Variants in COL4A1 observed in about 807,000 individuals in gnomAD.
The protein encoded by COL4A1 is collagen type IV alpha 1 chain.
In COL4A1, 40 loss-of-function variants were observed where a neutral mutation model predicts 216.6. The ratio of observed to expected loss-of-function variants is 0.18; its 90% CI spans 0.14 to 0.24. The LOEUF (loss-of-function observed/expected upper bound fraction) is 0.24. COL4A1 is among the 10% of genes least tolerant of loss of function. COL4A1 has a pLI of 1.00. For missense variants in COL4A1, 1,628 were observed against 2,196.8 expected (o/e 0.74, Z 5.18); for synonymous variants, 839 against 810.7 (o/e 1.03, Z -0.59).
rs141914394 is a variant in COL4A1 at position 110,233,048 on chromosome 13, G to A, written c.144+9627C>T. 1.4e-4 allele frequency among the ~76,000 whole-genome samples: 21 copies of A among 152,290 alleles called. 1 individual carries two copies. The East Asian group carries it at 3.1e-3, about 22-fold the overall frequency. ...CCAAGGCATAGGGGAGCCAGCGACG[G>A]GTGGGCCTCGTGTGCAGAATAAAAT... is the stretch of plus-strand genomic sequence containing the variant. On this transcript the variant is annotated intron_variant, in intron 2 of 51. Coordinates refer to ENST00000375820, the MANE Select transcript of COL4A1 (RefSeq NM_001845.6).
At chr13:110,186,310 C>G in intron 26 of COL4A1, 75 bp downstream of exon 26, 1 of 1,591,904 alleles carries the variant, frequency 6.3e-7, no homozygotes, top group Non-Finnish European at 8.6e-7. Flanking sequence ...CCCCAGGCCT[C>G]TGTGTGCACC....
chr13:110,226,955 T>A (rs1480966470), intron 2 of COL4A1, among the ~76,000 whole-genome samples: 1 of 152,242 alleles, frequency 6.6e-6, no homozygotes, highest in Non-Finnish European at 1.5e-5. Context: ...TGGTCTTCCC[T>A]GAGCTGCTAA....
At chr13:110,263,837 T>C (rs1019502298) in intron 1 of COL4A1, among the ~76,000 whole-genome samples, 2 of 152,200 alleles carry the variant, frequency 1.3e-5, no homozygotes, top group Non-Finnish European at 1.5e-5. Context: ...AAGTTTAGGC[T>C]ATCAACATTA....
chr13:110,229,401 T>C (rs1047155222), intron 2 of COL4A1, among the ~76,000 whole-genome samples: 1 of 152,202 alleles, frequency 6.6e-6, no homozygotes, highest in Non-Finnish European at 1.5e-5. Flanking sequence ...ACTTTAAATC[T>C]GAATGACTCG....
intron 2 of COL4A1, among the ~76,000 whole-genome samples, chr13:110,242,467 T>C (rs990436944): frequency 2.0e-5 from 3 of 152,246 alleles, no homozygotes; most frequent in African/African-American, 7.2e-5. Context: ...CACATACTAT[T>C]ACATTCTTTG....
Position 110,153,908 on chromosome 13 carries a change from G to A in COL4A1, c.4755+1375C>T, listed in dbSNP as rs528106008. Among the ~76,000 whole-genome samples the A allele has an allele frequency of 1.2e-4, 18 of 152,318 alleles. No individual in the cohort carries two copies. In the East Asian group the frequency reaches 3.1e-3, roughly 26 times the overall value. On this transcript the variant is annotated intron_variant, in intron 50 of 51. Coordinates refer to ENST00000375820, the MANE Select transcript of COL4A1 (RefSeq NM_001845.6). ...CGCCTCGCACACAGCACGTCTGGAA[G>A]GTGGAACAGAGACCCTCCACACGGC...
chr13:110,223,837 C>T (rs1419939849), intron 2 of COL4A1, among the ~76,000 whole-genome samples: 2 of 152,238 alleles, frequency 1.3e-5, no homozygotes, highest in Admixed American at 1.3e-4. Flanking sequence ...ACACACCAAG[C>T]AAGAGGCAGC....
At chr13:110,199,667 G>A (rs543784308) in intron 20 of COL4A1, among the ~76,000 whole-genome samples, 6 of 152,300 alleles carry the variant, frequency 3.9e-5, no homozygotes, top group South Asian at 4.1e-4. Context: ...GGCCACAGGC[G>A]AGCCCAGGGC....
chr13:110,238,422 G>A (rs1421163307), intron 2 of COL4A1, among the ~76,000 whole-genome samples: 1 of 152,196 alleles, frequency 6.6e-6, no homozygotes, highest in Admixed American at 6.5e-5. Flanking sequence ...CAATTAACAT[G>A]TGTCTTCACA....
intron 15 of COL4A1, among the ~76,000 whole-genome samples, chr13:110,206,304 C>T (rs1879512290): frequency 6.6e-6 from 1 of 152,248 alleles, no homozygotes; most frequent in Admixed American, 6.5e-5. Context: ...AACTCAGCCT[C>T]TCAGGCTTGT....
intron 1 of COL4A1, among the ~76,000 whole-genome samples, chr13:110,276,925 TA>T (rs1382582506): frequency 6.6e-6 from 1 of 152,216 alleles, no homozygotes; most frequent in Non-Finnish European, 1.5e-5. Context: ...ATGAATATTT[TA>T]AAATTGAGGC....
chr13:110,298,440 G>T (rs1241003650), intron 1 of COL4A1, among the ~76,000 whole-genome samples: 1 of 152,162 alleles, frequency 6.6e-6, no homozygotes, highest in African/African-American at 2.4e-5. Context: ...TTCTGGACCG[G>T]GTTTGTGTAT....
rs1879794957 is a variant in COL4A1, at chr13:110,211,534, T to C, written c.468+113A>G. 1 of 1,009,194 alleles carries C rather than the reference T, an allele frequency of 9.9e-7. No individual in the cohort carries two copies. The allele number at this position is 1,009,194 out of a possible 1,614,324, so 62.5% of individuals were successfully genotyped here. A position where few individuals can be genotyped will look rare whatever the true frequency, so the allele number is the denominator to read the frequency against. ...ATGTAACAGAGTTTAGGGAAGTGTG[T>C]TCAGAAACAATCGATCAGCCAAAGT... is the stretch of plus-strand genomic sequence containing the variant. On this transcript the variant is annotated intron_variant, in intron 8 of 51. Transcript: ENST00000375820. This position sits in a 1 kb window ranked among gnomAD's most constrained non-coding sequence, Gnocchi z 4.3.
Position 110,178,225 on chromosome 13 carries a change from G to A in COL4A1, c.2465C>T (p.Pro822Leu), listed in dbSNP as rs1220635732. 6.2e-7 allele frequency: 1 copy of A among 1,613,890 alleles called. No individual in the cohort carries two copies. The highest frequency in any genetic ancestry group is 2.2e-5 in the East Asian group (1 of 44,882). The stretch of plus-strand genomic sequence containing the variant: ...GAAACCCTTCTCTCCTTTTATTCCA[G>A]GAGGGCCTGCAGTTGGGTGAAACAC... Reference protein sequence around the residue: ...GQGPPGLSGPPGIKGEKGFPG... With the variant: ...GQGPPGLSGPLGIKGEKGFPG... Residue 822 changes from proline to leucine, a missense_variant, in exon 32 of 52, where the codon CCT (proline) becomes CTT (leucine). This residue lies in a region of COL4A1 where 701 missense variants were observed against 892.5 expected (regional missense o/e 0.79). Coordinates refer to ENST00000375820, the MANE Select transcript of COL4A1 (RefSeq NM_001845.6).
At chr13:110,280,048 T>C (rs1372817309) in intron 1 of COL4A1, among the ~76,000 whole-genome samples, 2 of 152,272 alleles carry the variant, frequency 1.3e-5, no homozygotes. Flanking sequence ...TCCTTATGAA[T>C]ATTTTCTGTT....
chr13:110,301,233 C>T (rs906876202), intron 1 of COL4A1, among the ~76,000 whole-genome samples: 17 of 152,174 alleles, frequency 1.1e-4, no homozygotes, highest in South Asian at 2.1e-4. Flanking sequence ...TAGGACACTC[C>T]GGGGGTGGGG....
At position 110,207,396 on chromosome 13, in the gene COL4A1, C is replaced by T. The variant is rs598893; in HGVS notation, c.780+7G>A. ...AATCAGTATTCACTGATGAAGCCCACTCATACCTTTTCTCCCTTGGTGGCG... is the reference window on the plus strand; with the variant it reads ...AATCAGTATTCACTGATGAAGCCCATTCATACCTTTTCTCCCTTGGTGGCG... On this transcript the variant is annotated splice_region_variant and intron_variant, in intron 13 of 51. Coordinates refer to ENST00000375820, the MANE Select transcript of COL4A1 (RefSeq NM_001845.6). This position sits in a 1 kb window ranked among gnomAD's most constrained non-coding sequence, Gnocchi z 4.4. The T allele has an allele frequency of 0.63, 1,015,735 of 1,607,206 alleles. 325,232 individuals are homozygous for T. Among genetic ancestry groups the T allele is most frequent in the East Asian group, 0.77 (34,521 of 44,822 alleles).
At chr13:110,256,208 TG>T (rs1053318295) in intron 1 of COL4A1, among the ~76,000 whole-genome samples, 1 of 152,158 alleles carries the variant, frequency 6.6e-6, no homozygotes, top group African/African-American at 2.4e-5. Context: ...AGAGTTGTCC[TG>T]GGCCCCAAGC....
chr13:110,216,909 T>C (rs1880112861), intron 2 of COL4A1, among the ~76,000 whole-genome samples: 1 of 152,134 alleles, frequency 6.6e-6, no homozygotes, highest in Non-Finnish European at 1.5e-5. Context: ...AACACAGAAA[T>C]CCAAATTCCC....
Sources: gnomAD v4.1 joint callset for allele counts (sites outside exome capture counted in the v4.1 genomes callset) on GRCh38, gnomAD v4.1.1 for gene constraint, gnomAD v4.1.1 regional missense constraint, Gnocchi (gnomAD v3.1) non-coding constraint, MANE v1.5 for transcripts, NCBI Gene and HGNC (gene_info 2026-07-23, HGNC 2026-07-21) for gene names.